The following CORO2A variants were observed in gnomAD, a reference collection of about 807,000 sequenced individuals.
The protein encoded by CORO2A is coronin-2A.
CORO2A carries 47 observed loss-of-function variants against 62.4 expected under a neutral mutation model. The ratio of observed to expected loss-of-function variants is 0.75; its 90% CI spans 0.60 to 0.96. The LOEUF (loss-of-function observed/expected upper bound fraction) is 0.96. Among genes scored for constraint, CORO2A ranks in the 40% least tolerant of loss-of-function variants. CORO2A has a pLI of 0.00. For missense variants in CORO2A, 610 were observed against 684.1 expected, an observed-to-expected ratio of 0.89 and a Z score of 1.21; for synonymous variants, 273 against 268.9, an observed-to-expected ratio of 1.02 and a Z score of -0.15.
chr9:98,162,775 G>A (rs774564698), intron 1 of CORO2A, among the ~76,000 whole-genome samples: 1 of 152,232 alleles, frequency 6.6e-6, no homozygotes, highest in African/African-American at 2.4e-5. Flanking sequence ...ACACATGCAT[G>A]AGCGCATGCG....
At chr9:98,141,756 T>G (rs889146767) in intron 2 of CORO2A, among the ~76,000 whole-genome samples, 1 of 152,252 alleles carries the variant, frequency 6.6e-6, no homozygotes, top group African/African-American at 2.4e-5. Flanking sequence ...GCTCACATTT[T>G]GCAAGCCTCT....
In CORO2A at chr9:98,121,110, ACAAT is replaced by A. The variant is rs1199263891; in HGVS notation, c.*3660_*3663del. The stretch of plus-strand genomic sequence containing the variant: ...AAGGAATTTCAGAAACAACATTAAA[ACAAT>A]CATTCAAACTGTTTCAGGCACGGTT... On this transcript the variant is annotated 3_prime_UTR_variant, in exon 12 of 12. Transcript: ENST00000375077. 6.6e-6 allele frequency: 1 copy of A among 152,248 alleles called. No individual in the cohort carries two copies. Among genetic ancestry groups the A allele is most frequent in the East Asian group, 1.9e-4 (1 of 5,204 alleles). 9.4% of individuals were successfully genotyped at this position (152,248 alleles called of 1,614,324 possible).
intron 2 of CORO2A, among the ~76,000 whole-genome samples, chr9:98,154,974 G>A (rs182946759): frequency 6.6e-6 from 1 of 152,124 alleles, no homozygotes; most frequent in Non-Finnish European, 1.5e-5. Context: ...GGTATTTCTG[G>A]GTCACAGGTA....
chr9:98,131,354 G>T (rs572279206), intron 6 of CORO2A, among the ~76,000 whole-genome samples: 2 of 149,622 alleles, frequency 1.3e-5, no homozygotes, highest in East Asian at 3.9e-4. Context: ...TTGAGACAAG[G>T]TCTAACTGTC....
chr9:98,174,967 A>G (rs1239419039), intron 1 of CORO2A, among the ~76,000 whole-genome samples: 1 of 152,196 alleles, frequency 6.6e-6, no homozygotes, highest in Non-Finnish European at 1.5e-5. Flanking sequence ...TATCACCATC[A>G]TTAAAAAAAT....
rs552282821 is a variant in CORO2A at position 98,171,325 on chromosome 9, C to T, written c.1-13665G>A. ...GGCATCCAACCAGGGGTCCTGCATT[C>T]TGTTCTCAGCGTGGACCCACAAATC... is the stretch of plus-strand genomic sequence containing the variant. On this transcript the variant is annotated intron_variant, in intron 1 of 11. Coordinates refer to ENST00000375077, the MANE Select transcript of CORO2A (RefSeq NM_052820.4). Among the ~76,000 whole-genome samples, 33 of 152,316 alleles carry T rather than the reference C, an allele frequency of 2.2e-4. No homozygotes were observed. The South Asian group carries it at 6.8e-3, about 32-fold the overall frequency.
chr9:98,129,704 C>G, intron 8 of CORO2A, 90 bp downstream of exon 8: 2 of 952,080 alleles, frequency 2.1e-6, no homozygotes, highest in Non-Finnish European at 3.4e-6. Context: ...TCTCCCCAGA[C>G]CCCGCACTGA....
intron 2 of CORO2A, among the ~76,000 whole-genome samples, chr9:98,145,965 C>A (rs1296376444): frequency 6.6e-6 from 1 of 152,136 alleles, no homozygotes; most frequent in Non-Finnish European, 1.5e-5. Flanking sequence ...CCTGCCTTGG[C>A]CTCCCAAAGT....
At chr9:98,155,968 T>C (rs1827797577) in intron 2 of CORO2A, among the ~76,000 whole-genome samples, 1 of 152,118 alleles carries the variant, frequency 6.6e-6, no homozygotes, top group Admixed American at 6.6e-5. Context: ...TGTATCCTTA[T>C]ATTCTCTTTC....
intron 1 of CORO2A, among the ~76,000 whole-genome samples, chr9:98,181,337 T>TC (rs1464626212): frequency 1.4e-5 from 2 of 146,674 alleles, no homozygotes; most frequent in African/African-American, 5.0e-5. Context: ...TCTCTTGCTT[T>TC]TTTTTTTTTT....
In CORO2A at chr9:98,124,622, C is replaced by T; in HGVS notation, c.*152G>A. The T allele has an allele frequency of 1.3e-6, 1 of 748,286 alleles. No individual in the cohort carries two copies. The highest frequency in any genetic ancestry group is 1.9e-6 in the Non-Finnish European group (1 of 515,216). 46.4% of individuals were successfully genotyped at this position (748,286 alleles called of 1,614,324 possible). A position where few individuals can be genotyped will look rare whatever the true frequency, so the allele number is the denominator to read the frequency against. ...GCAAACAGAAAAACGGCACCATGTC[C>T]CACTGGAATCTCTTTCAGCGATGGA... On this transcript the variant is annotated 3_prime_UTR_variant, in exon 12 of 12. Transcript: ENST00000375077.
chr9:98,149,511 C>T (rs1022944817), intron 2 of CORO2A, among the ~76,000 whole-genome samples: 1 of 152,246 alleles, frequency 6.6e-6, no homozygotes. Flanking sequence ...AGAAGCCTGG[C>T]ACCAGCATCT....
intron 1 of CORO2A, among the ~76,000 whole-genome samples, chr9:98,158,291 TAA>T (rs1827834629): frequency 6.7e-6 from 1 of 150,360 alleles, no homozygotes; most frequent in African/African-American, 2.5e-5. Context: ...AAAAAAAAAA[TAA>T]AAGAGAGAGA....
In CORO2A at chr9:98,181,799, A is replaced by G. The variant is rs1828181065; in HGVS notation, c.-1+10760T>C. ...TAGAACATCCCATCCATCCCCTCGC[A>G]GGCCATGGCTCCCCTCACATCATGT... On this transcript the variant is annotated intron_variant, in intron 1 of 11. Transcript: ENST00000375077. Among the ~76,000 whole-genome samples, 2 of 152,072 alleles carry G rather than the reference A, an allele frequency of 1.3e-5. 1 individual carries two copies. The highest frequency in any genetic ancestry group is 4.1e-4 in the South Asian group (2 of 4,824).
At chr9:98,181,593 C>A (rs753979598) in intron 1 of CORO2A, among the ~76,000 whole-genome samples, 1 of 152,118 alleles carries the variant, frequency 6.6e-6, no homozygotes, top group Admixed American at 6.5e-5. Context: ...ACTTCCCCAG[C>A]CTCACCTTGC....
chr9:98,156,068 T>TTTTTTTTTA (rs1554745260), intron 2 of CORO2A, among the ~76,000 whole-genome samples: 1 of 128,178 alleles, frequency 7.8e-6, no homozygotes, highest in South Asian at 2.5e-4. Flanking sequence ...TTTTTTTTTT[T>TTTTTTTTTA]GAGACAGGGT....
intron 1 of CORO2A, among the ~76,000 whole-genome samples, chr9:98,176,974 T>C (rs183804340): frequency 1.3e-5 from 2 of 152,294 alleles, no homozygotes; most frequent in Non-Finnish European, 2.9e-5. Context: ...TTGTTCCTTA[T>C]CTGTGTTGCT....
At chr9:98,161,964 G>A (rs1827892718) in intron 1 of CORO2A, among the ~76,000 whole-genome samples, 1 of 152,184 alleles carries the variant, frequency 6.6e-6, no homozygotes, top group South Asian at 2.1e-4. Flanking sequence ...GCCGTGAGAG[G>A]CCTGGGCAAC....
intron 4 of CORO2A, among the ~76,000 whole-genome samples, chr9:98,134,530 C>T (rs1029171124): frequency 4.6e-5 from 7 of 152,192 alleles, no homozygotes; most frequent in African/African-American, 1.2e-4. Flanking sequence ...TTGCTCTCCT[C>T]TTCCTATAAG....
Sources: allele counts gnomAD v4.1 joint callset (sites outside exome capture counted in the v4.1 genomes callset), GRCh38; gene constraint gnomAD v4.1.1; transcripts MANE v1.5; gene names NCBI Gene and HGNC (gene_info 2026-07-23, HGNC 2026-07-21).